Variants in ALG14 observed in about 807,000 individuals in gnomAD.
ALG14 encodes the protein UDP-N-acetylglucosamine transferase subunit ALG14.
ALG14 carries 17 observed loss-of-function variants against 22.8 expected under a neutral mutation model. That is an observed-to-expected ratio of 0.75 (90% CI 0.51 to 1.12). The LOEUF is 1.12. ALG14 is among the 50% of genes most tolerant of loss of function. The pLI is 0.00. For synonymous variants in ALG14, 89 were observed against 103.7 expected, an observed-to-expected ratio of 0.86 and a Z score of 0.86; for missense variants, 288 against 271.8, an observed-to-expected ratio of 1.06 and a Z score of -0.42.
chr1:94,999,271 T>C (rs191509112), intron 3 of ALG14, among the ~76,000 whole-genome samples: 25 of 120,920 alleles, frequency 2.1e-4, no homozygotes, highest in Admixed American at 1.9e-3. Context: ...AAAAAAGACA[T>C]AGTCCACAAA....
intron 3 of ALG14, among the ~76,000 whole-genome samples, chr1:95,018,656 C>T (rs926428601): frequency 6.6e-6 from 1 of 151,524 alleles, no homozygotes; most frequent in African/African-American, 2.4e-5. Flanking sequence ...ATAAGCTGCA[C>T]CTGGTTTCCA....
intron 3 of ALG14, among the ~76,000 whole-genome samples, chr1:95,000,107 C>A (rs1673018365): frequency 6.6e-6 from 1 of 152,222 alleles, no homozygotes; most frequent in East Asian, 1.9e-4. Flanking sequence ...AAAGTTCCTT[C>A]CTAAACTCAC....
intron 2 of ALG14, among the ~76,000 whole-genome samples, chr1:95,031,614 G>A (rs1293447381): frequency 6.6e-6 from 1 of 152,146 alleles, no homozygotes; most frequent in African/African-American, 2.4e-5. Context: ...TCTCCTCAGA[G>A]ATATCTTTCC....
In ALG14 at chr1:94,974,805, T is replaced by C. The variant is rs1461436604; in HGVS notation, c.*8271A>G. 6.6e-6 allele frequency: 1 copy of C among 152,238 alleles called. No homozygotes were observed. The highest frequency in any genetic ancestry group is 1.5e-5 in the Non-Finnish European group (1 of 68,046). 9.4% of individuals were successfully genotyped at this position (152,238 alleles called of 1,614,324 possible). A position where few individuals can be genotyped will look rare whatever the true frequency, so the allele number is the denominator to read the frequency against. On this transcript the variant is annotated 3_prime_UTR_variant, in exon 4 of 4. Transcript: ENST00000370205. ...ACCATTTAATCATGCCTATGAACTC[T>C]GTGGATCAGCAAATCACAGGGCACA...
intron 3 of ALG14, among the ~76,000 whole-genome samples, chr1:95,016,044 C>T (rs137880081): frequency 1.6e-3 from 248 of 152,252 alleles, no homozygotes; most frequent in African/African-American, 5.6e-3. Context: ...GGTCCCTGTT[C>T]TACAGATGAG....
chr1:94,998,060 C>T lies in ALG14; in HGVS notation c.421-14754G>A, dbSNP rs544397863. ...TGGCAGAATAAACCCCTATTTTGTG[C>T]AGTTCAGCTAACAGGGAAAGTAATG... On this transcript the variant is annotated intron_variant, in intron 3 of 3. Transcript: ENST00000370205. Among the ~76,000 whole-genome samples, 7 of 152,236 alleles carry T rather than the reference C, an allele frequency of 4.6e-5. No homozygotes were observed. In the East Asian group the frequency reaches 1.4e-3, roughly 29 times the overall value.
rs1274269997 is a variant in ALG14 at position 94,979,857 on chromosome 1, G to C, written c.*3219C>G. ...GCTAGAGGGATGGGCCCTAACAAAA[G>C]AATGTTGAAGGCGGACAAGATTTGG... is the stretch of plus-strand genomic sequence containing the variant. On this transcript the variant is annotated 3_prime_UTR_variant, in exon 4 of 4. Transcript: ENST00000370205. 1 of 152,200 alleles carries C rather than the reference G, an allele frequency of 6.6e-6. No homozygotes were observed. Among genetic ancestry groups the C allele is most frequent in the Admixed American group, 6.5e-5 (1 of 15,282 alleles). 9.4% of individuals were successfully genotyped at this position (152,200 alleles called of 1,614,324 possible).
chr1:95,054,892 C>T (rs1674877748), intron 2 of ALG14, among the ~76,000 whole-genome samples: 2 of 152,176 alleles, frequency 1.3e-5, no homozygotes, highest in Admixed American at 6.5e-5. Flanking sequence ...CACACATGAA[C>T]ATACATTTAA....
At position 94,977,996 on chromosome 1, in the gene ALG14, G is replaced by A. The variant is rs750947322; in HGVS notation, c.*5080C>T. 1 of 151,810 alleles carries A rather than the reference G, an allele frequency of 6.6e-6. No individual in the cohort carries two copies. Among genetic ancestry groups the A allele is most frequent in the Admixed American group, 6.6e-5 (1 of 15,230 alleles). 9.4% of individuals were successfully genotyped at this position (151,810 alleles called of 1,614,324 possible). A position where few individuals can be genotyped will look rare whatever the true frequency, so the allele number is the denominator to read the frequency against. On this transcript the variant is annotated 3_prime_UTR_variant, in exon 4 of 4. Transcript: ENST00000370205. Reference sequence around the variant, plus strand: ...TATAATGAGGTCCTGAGATCAAAACGTTTGTGAAGCACTGGTCTAGATAAA... The same window carrying A: ...TATAATGAGGTCCTGAGATCAAAACATTTGTGAAGCACTGGTCTAGATAAA...
chr1:95,033,416 T>C (rs1232461078), intron 2 of ALG14, among the ~76,000 whole-genome samples: 1 of 128,830 alleles, frequency 7.8e-6, no homozygotes, highest in Non-Finnish European at 1.7e-5. Flanking sequence ...TATATATATA[T>C]ATATACACAC....
At chr1:95,056,622 G>A (rs1416159729) in intron 2 of ALG14, among the ~76,000 whole-genome samples, 1 of 152,000 alleles carries the variant, frequency 6.6e-6, no homozygotes, top group Non-Finnish European at 1.5e-5. Flanking sequence ...TCCAGCCTGG[G>A]TGAGAGTGAG....
intron 1 of ALG14, among the ~76,000 whole-genome samples, chr1:95,065,992 ATTTCAGTCTCG>A (rs1675347486): frequency 6.6e-6 from 1 of 152,030 alleles, no homozygotes; most frequent in Non-Finnish European, 1.5e-5. Context: ...TATCACACCC[ATTTCAGTCTCG>A]TTTCACAAGC....
chr1:95,013,318 C>T (rs1405705493), intron 3 of ALG14, among the ~76,000 whole-genome samples: 1 of 151,816 alleles, frequency 6.6e-6, no homozygotes, highest in East Asian at 1.9e-4. Flanking sequence ...AAATAAGTTT[C>T]CTGCTCTTGT....
At chr1:95,017,652 G>T (rs1027778916) in intron 3 of ALG14, among the ~76,000 whole-genome samples, 1 of 152,220 alleles carries the variant, frequency 6.6e-6, no homozygotes, top group South Asian at 2.1e-4. Context: ...GGAGGGCCAC[G>T]AGCATGTATC....
intron 2 of ALG14, among the ~76,000 whole-genome samples, chr1:95,063,871 G>A (rs1354343035): frequency 1.3e-5 from 2 of 152,152 alleles, no homozygotes; most frequent in African/African-American, 4.8e-5. Flanking sequence ...ATTACTTTGG[G>A]CAGTATAGCC....
chr1:95,023,018 TACAA>T (rs1420854844), intron 3 of ALG14, among the ~76,000 whole-genome samples: 2 of 152,114 alleles, frequency 1.3e-5, no homozygotes, highest in African/African-American at 4.8e-5. Context: ...TTATATACTA[TACAA>T]ACAGTGATAA....
chr1:95,011,343 T>C (rs1673355032), intron 3 of ALG14, among the ~76,000 whole-genome samples: 1 of 152,024 alleles, frequency 6.6e-6, no homozygotes, highest in Non-Finnish European at 1.5e-5. Flanking sequence ...AACCAGAGAG[T>C]GGACTCTCAC....
At chr1:95,050,862 A>ATT (rs34383912) in intron 2 of ALG14, among the ~76,000 whole-genome samples, 5,680 of 131,952 alleles carry the variant, frequency 0.043, 183 homozygotes, top group African/African-American at 0.076. Context: ...TCCCTGGGTA[A>ATT]TTTTTTTTTT....
At chr1:95,021,779 TCA>T (rs1673671319) in intron 3 of ALG14, among the ~76,000 whole-genome samples, 1 of 152,186 alleles carries the variant, frequency 6.6e-6, no homozygotes, top group Non-Finnish European at 1.5e-5. Flanking sequence ...TCTCTGGAGC[TCA>T]CTGCCTGTGA....
Sources: allele counts gnomAD v4.1 joint callset (sites outside exome capture counted in the v4.1 genomes callset), GRCh38; gene constraint gnomAD v4.1.1; transcripts MANE v1.5; gene names NCBI Gene and HGNC (gene_info 2026-07-23, HGNC 2026-07-21).